The following PDE10A variants were observed in gnomAD, a reference collection of about 807,000 sequenced individuals.
The protein encoded by PDE10A is cAMP and cAMP-inhibited cGMP 3',5'-cyclic phosphodiesterase 10A.
A neutral mutation model predicts 97.7 loss-of-function variants in PDE10A; 39 were observed. The ratio of observed to expected loss-of-function variants is 0.40; its 90% CI spans 0.31 to 0.52. The LOEUF is 0.52. Ranked by LOEUF, PDE10A falls within the 20% of genes least tolerant of loss-of-function variation. PDE10A has a pLI of 0.56. For missense variants in PDE10A, 731 were observed against 1,047.8 expected (o/e 0.70, Z 4.17); for synonymous variants, 371 against 376.8 (o/e 0.98, Z 0.18).
At chr6:165,513,581 C>A (rs115703366) in intron 2 of PDE10A, among the ~76,000 whole-genome samples, 1 of 151,892 alleles carries the variant, frequency 6.6e-6, no homozygotes, top group South Asian at 2.1e-4. Context: ...AAAAGACCTG[C>A]GGGGATTTTC....
intron 1 of PDE10A, among the ~76,000 whole-genome samples, chr6:165,715,653 C>A (rs1189492196): frequency 3.3e-5 from 5 of 152,210 alleles, no homozygotes; most frequent in African/African-American, 1.2e-4. Context: ...CACACAGACT[C>A]TCTCAGTGTG....
At chr6:165,709,765 C>T (rs964742451) in intron 1 of PDE10A, among the ~76,000 whole-genome samples, 8 of 145,464 alleles carry the variant, frequency 5.5e-5, no homozygotes, top group Non-Finnish European at 1.0e-4. Context: ...GAGCCGCAAC[C>T]ATGGCTCTTT....
intron 1 of PDE10A, among the ~76,000 whole-genome samples, chr6:165,907,748 G>A (rs959168257): frequency 2.0e-5 from 3 of 152,224 alleles, no homozygotes; most frequent in Non-Finnish European, 4.4e-5. Flanking sequence ...GGAAAGGACC[G>A]TGGAACAGCC....
chr6:165,538,492 A>G (rs1445734873), intron 2 of PDE10A, among the ~76,000 whole-genome samples: 2 of 152,170 alleles, frequency 1.3e-5, no homozygotes, highest in East Asian at 3.8e-4. Context: ...GCCTTTAAGA[A>G]ATTAATGTTA....
At chr6:165,619,471 AGT>A in intron 1 of PDE10A, among the ~76,000 whole-genome samples, 1 of 142,152 alleles carries the variant, frequency 7.0e-6, no homozygotes. Context: ...AGTCTAGTGT[AGT>A]GTAGTCTAGT....
At chr6:165,771,150 C>T (rs1777998145) in intron 1 of PDE10A, among the ~76,000 whole-genome samples, 1 of 152,232 alleles carries the variant, frequency 6.6e-6, no homozygotes. Context: ...ACCAAATAGT[C>T]TCTGCCTCTG....
At chr6:165,659,851 G>GC (rs1312883435) in intron 1 of PDE10A, among the ~76,000 whole-genome samples, 1 of 152,170 alleles carries the variant, frequency 6.6e-6, no homozygotes, top group Non-Finnish European at 1.5e-5. Context: ...ATCCAGAGCT[G>GC]CGATCTTTCT....
In PDE10A at chr6:165,655,586, T is replaced by C. The variant is rs548534106; in HGVS notation, c.865+6361A>G. Among the ~76,000 whole-genome samples the C allele has an allele frequency of 6.6e-6, 1 of 152,256 alleles. No homozygotes were observed. Among genetic ancestry groups the C allele is most frequent in the African/African-American group, 2.4e-5 (1 of 41,560 alleles). ...CATTTTGCTTCTACCATCATCGCCGTGATCCAAGTTACCATTGCTCTTGTC... is the reference window on the plus strand; with the variant it reads ...CATTTTGCTTCTACCATCATCGCCGCGATCCAAGTTACCATTGCTCTTGTC... On this transcript the variant is annotated intron_variant, in intron 1 of 21. Transcript: ENST00000539869. The surrounding 1 kb of genome is among the most constrained non-coding windows in gnomAD (Gnocchi z 4.5).
At chr6:165,824,608 G>A (rs1172603988) in intron 1 of PDE10A, among the ~76,000 whole-genome samples, 2 of 152,160 alleles carry the variant, frequency 1.3e-5, no homozygotes, top group Non-Finnish European at 2.9e-5. Context: ...AGAATGTGCT[G>A]TTATTTGTGT....
intron 1 of PDE10A, among the ~76,000 whole-genome samples, chr6:165,854,561 G>A (rs1583193229): frequency 6.6e-6 from 1 of 152,302 alleles, no homozygotes; most frequent in East Asian, 1.9e-4. Flanking sequence ...TGAGCTCCCA[G>A]GGCGGCACAG....
At chr6:165,669,693 A>C (rs1790593296) in intron 1 of PDE10A, among the ~76,000 whole-genome samples, 1 of 152,122 alleles carries the variant, frequency 6.6e-6, no homozygotes, top group African/African-American at 2.4e-5. Flanking sequence ...CAACACTCCT[A>C]TCTGTATAGA....
At chr6:165,960,409 C>T (rs4083115) in intron 1 of PDE10A, among the ~76,000 whole-genome samples, 24,486 of 152,076 alleles carry the variant, frequency 0.16, 2,167 homozygotes, top group Non-Finnish European at 0.2. Flanking sequence ...GATTCCAGGA[C>T]GAGGAAAGAG....
In PDE10A at chr6:165,711,226, C is replaced by A. The variant is rs1436321064; in HGVS notation, c.-614-167658G>T. ...TACACCGTTAGAGTTGGGAGCAGGG[C>A]TCTTCTGAAAACCTCATCTTGGATG... is the stretch of plus-strand genomic sequence containing the variant. On this transcript the variant is annotated intron_variant, in intron 1 of 19. Transcript: ENST00000366882. The surrounding 1 kb of genome is among the most constrained non-coding windows in gnomAD (Gnocchi z 4.5). Among the ~76,000 whole-genome samples, 1 of 152,234 alleles carries A rather than the reference C, an allele frequency of 6.6e-6. No individual in the cohort carries two copies. The highest frequency in any genetic ancestry group is 2.4e-5 in the African/African-American group (1 of 41,466).
chr6:165,394,491 A>G (rs1158294825), intron 15 of PDE10A, among the ~76,000 whole-genome samples: 1 of 152,114 alleles, frequency 6.6e-6, no homozygotes, highest in Non-Finnish European at 1.5e-5. Context: ...GGTTGGTTCC[A>G]AGTCTTTGCT....
At chr6:165,590,127 A>G (rs1032328916) in intron 1 of PDE10A, among the ~76,000 whole-genome samples, 6 of 152,254 alleles carry the variant, frequency 3.9e-5, no homozygotes, top group African/African-American at 1.4e-4. Context: ...AAAACATTTC[A>G]GGAGTGTTTA....
chr6:165,491,516 T>C (rs1583397452), intron 2 of PDE10A, among the ~76,000 whole-genome samples: 1 of 152,038 alleles, frequency 6.6e-6, no homozygotes, highest in Admixed American at 6.6e-5. Context: ...TCTCAACAAA[T>C]TTAAGAAAAT....
intron 15 of PDE10A, 65 bp downstream of exon 15, chr6:165,395,116 T>A: frequency 1.0e-6 from 1 of 960,476 alleles, no homozygotes; most frequent in Non-Finnish European, 1.7e-6. Flanking sequence ...GAGGCATATA[T>A]GTAGAAGGAG....
intron 1 of PDE10A, among the ~76,000 whole-genome samples, chr6:165,881,813 C>T (rs1394381312): frequency 6.6e-6 from 1 of 152,134 alleles, no homozygotes; most frequent in Non-Finnish European, 1.5e-5. Flanking sequence ...TTTCTTCTCA[C>T]TCCGACAATT....
chr6:165,607,857 G>A (rs1787284611), intron 1 of PDE10A, among the ~76,000 whole-genome samples: 2 of 151,940 alleles, frequency 1.3e-5, no homozygotes, highest in Admixed American at 1.3e-4. Context: ...AGGTTCAAGT[G>A]GGCCCTGAAA....
Sources: gnomAD v4.1 joint callset for allele counts (sites outside exome capture counted in the v4.1 genomes callset) on GRCh38, gnomAD v4.1.1 for gene constraint, Gnocchi (gnomAD v3.1) non-coding constraint, MANE v1.5 for transcripts, NCBI Gene and HGNC (gene_info 2026-07-23, HGNC 2026-07-21) for gene names.